Variants in TNR observed in about 807,000 individuals in gnomAD.
The protein encoded by TNR is tenascin-R.
In TNR, 45 loss-of-function variants were observed where a neutral mutation model predicts 150.4. The ratio of observed to expected loss-of-function variants is 0.30; its 90% CI spans 0.24 to 0.38. The LOEUF (loss-of-function observed/expected upper bound fraction) is 0.38, where lower values mean the gene tolerates loss of function less well. TNR is among the 10% of genes least tolerant of loss of function. The pLI is 1.00. For synonymous variants in TNR, 687 were observed against 678.4 expected, an observed-to-expected ratio of 1.01 and a Z score of -0.20; for missense variants, 1,544 against 1,759.1, an observed-to-expected ratio of 0.88 and a Z score of 2.19.
At chr1:175,454,991 G>T (rs1656502054) in intron 2 of TNR, among the ~76,000 whole-genome samples, 1 of 152,184 alleles carries the variant, frequency 6.6e-6, no homozygotes, top group Non-Finnish European at 1.5e-5. Context: ...GTGATGTTCT[G>T]TGTCTTCTGA....
intron 2 of TNR, among the ~76,000 whole-genome samples, chr1:175,505,369 C>T (rs960106510): frequency 6.6e-6 from 1 of 152,246 alleles, no homozygotes. Context: ...AGATCCCTAC[C>T]CAGGGCTGAC....
At chr1:175,368,631 A>G (rs564788707) in intron 9 of TNR, among the ~76,000 whole-genome samples, 1 of 152,244 alleles carries the variant, frequency 6.6e-6, no homozygotes, top group South Asian at 2.1e-4. Flanking sequence ...ACTCATTTTT[A>G]TCTATTAGGA....
intron 1 of TNR, among the ~76,000 whole-genome samples, chr1:175,675,973 C>T (rs1046113909): frequency 6.6e-6 from 1 of 152,096 alleles, no homozygotes; most frequent in Non-Finnish European, 1.5e-5. Flanking sequence ...TCAGGGTTAC[C>T]TTTCAAAGGG....
intron 2 of TNR, among the ~76,000 whole-genome samples, chr1:175,497,525 CA>C (rs753934074): frequency 3.3e-5 from 5 of 152,196 alleles, no homozygotes; most frequent in Non-Finnish European, 5.9e-5. Flanking sequence ...AAAGGGCAAT[CA>C]AATAGTCATT....
intron 9 of TNR, among the ~76,000 whole-genome samples, chr1:175,370,208 A>G (rs950986946): frequency 2.6e-5 from 4 of 152,198 alleles, no homozygotes; most frequent in Non-Finnish European, 5.9e-5. Flanking sequence ...GAATAAAAAC[A>G]GCATCTATAT....
At chr1:175,375,251 G>A (rs1489460553) in intron 9 of TNR, among the ~76,000 whole-genome samples, 1 of 151,752 alleles carries the variant, frequency 6.6e-6, no homozygotes, top group Non-Finnish European at 1.5e-5. Flanking sequence ...TTCTAATCTG[G>A]CTGGTAAGAT....
At chr1:175,355,421 G>T (rs769969789) in intron 17 of TNR, 82 bp downstream of exon 17, 42 of 1,555,050 alleles carry the variant, frequency 2.7e-5, no homozygotes, top group Middle Eastern at 1.7e-4. Context: ...TCCCTCCAAT[G>T]TCCTGTGGTC....
chr1:175,481,463 G>A (rs1292596799), intron 2 of TNR, among the ~76,000 whole-genome samples: 1 of 152,134 alleles, frequency 6.6e-6, no homozygotes, highest in African/African-American at 2.4e-5. Flanking sequence ...CCTCGTTGGA[G>A]GAATTTTCTG....
intron 18 of TNR, among the ~76,000 whole-genome samples, chr1:175,343,244 C>T (rs1650615918): frequency 6.6e-6 from 1 of 152,200 alleles, no homozygotes; most frequent in South Asian, 2.1e-4. Flanking sequence ...CTGCACTCCT[C>T]CCCACTTTCA....
intron 1 of TNR, among the ~76,000 whole-genome samples, chr1:175,742,707 T>C (rs1667965212): frequency 6.6e-6 from 1 of 152,116 alleles, no homozygotes. Flanking sequence ...ACTAGGAAAC[T>C]GACATTTTAC....
chr1:175,353,712 G>T (rs1651174349), intron 18 of TNR, among the ~76,000 whole-genome samples: 1 of 152,162 alleles, frequency 6.6e-6, no homozygotes, highest in Admixed American at 6.5e-5. Flanking sequence ...AATGTTGAGG[G>T]TTTACTACTG....
chr1:175,558,572 A>AT (rs1661287079), intron 1 of TNR, among the ~76,000 whole-genome samples: 1 of 152,188 alleles, frequency 6.6e-6, no homozygotes, highest in African/African-American at 2.4e-5. Context: ...TACTGCTCCA[A>AT]TCTTGTTAGA....
At chr1:175,724,216 G>C (rs990447033) in intron 1 of TNR, among the ~76,000 whole-genome samples, 6 of 152,178 alleles carry the variant, frequency 3.9e-5, no homozygotes, top group Non-Finnish European at 7.3e-5. Flanking sequence ...TTGGCTCACA[G>C]TTCTGCAGGC....
At chr1:175,396,956 G>A (rs1653457074) in intron 4 of TNR, 149 bp from the exon 5 acceptor site, 4 of 1,044,784 alleles carry the variant, frequency 3.8e-6, no homozygotes, top group Non-Finnish European at 5.5e-6. Flanking sequence ...AACTTCCTTT[G>A]TGAGCAGGCT....
chr1:175,633,347 GGCTGGCCCC>G (rs1321639804), intron 1 of TNR, among the ~76,000 whole-genome samples: 10 of 152,140 alleles, frequency 6.6e-5, no homozygotes, highest in African/African-American at 2.4e-4. Context: ...ACTGAGGTAT[GGCTGGCCCC>G]CTTTGAGAGC....
chr1:175,427,319 A>G (rs1286563224), intron 2 of TNR, among the ~76,000 whole-genome samples: 1 of 152,196 alleles, frequency 6.6e-6, no homozygotes. Context: ...GGTAAAAATA[A>G]GCAGGTGAAA....
At chr1:175,413,245 C>T (rs765475060) in intron 2 of TNR, among the ~76,000 whole-genome samples, 7 of 152,180 alleles carry the variant, frequency 4.6e-5, no homozygotes, top group African/African-American at 1.4e-4. Context: ...AGGCTGATCT[C>T]GAACTCCTGA....
At chr1:175,537,201 C>T (rs889805633) in intron 1 of TNR, among the ~76,000 whole-genome samples, 2 of 152,148 alleles carry the variant, frequency 1.3e-5, no homozygotes, top group African/African-American at 4.8e-5. Flanking sequence ...CCATCAATCA[C>T]CAGGGTAATT....
At chr1:175,474,304 G>A (rs982353580) in intron 2 of TNR, among the ~76,000 whole-genome samples, 4 of 152,122 alleles carry the variant, frequency 2.6e-5, no homozygotes, top group African/African-American at 9.7e-5. Flanking sequence ...GGCCATTAGG[G>A]TGGGCCCTAA....
Sources: gnomAD v4.1 joint callset for allele counts (sites outside exome capture counted in the v4.1 genomes callset) on GRCh38, gnomAD v4.1.1 for gene constraint, MANE v1.5 for transcripts, NCBI Gene and HGNC (gene_info 2026-07-23, HGNC 2026-07-21) for gene names.